Variants in TEDC1 observed in about 807,000 individuals in gnomAD.
TEDC1 encodes the protein tubulin epsilon and delta complex 1.
In TEDC1, 54 loss-of-function variants were observed where a neutral mutation model predicts 59.9. That is an observed-to-expected ratio of 0.90 (90% CI 0.72 to 1.13). TEDC1 has a LOEUF of 1.13. Ranked by LOEUF, TEDC1 falls within the 50% of genes most tolerant of loss-of-function variation. TEDC1 has a pLI of 0.00. For synonymous variants in TEDC1, 353 were observed against 298.1 expected (o/e 1.18, Z -1.90); for missense variants, 734 against 683.4 (o/e 1.07, Z -0.83).
intron 5 of TEDC1, 24 bp from the exon 6 acceptor site, chr14:105,495,856 G>A: frequency 6.6e-7 from 1 of 1,525,350 alleles, no homozygotes; most frequent in Middle Eastern, 1.7e-4. Context: ...GGTGGACTGG[G>A]GCCATGGCTG....
chr14:105,498,634 G>C lies in TEDC1; in HGVS notation c.1176G>C (p.Arg392=). The C allele has an allele frequency of 6.5e-7, 1 of 1,549,228 alleles. No individual in the cohort carries two copies. Residue 392 remains arginine, a synonymous_variant, in exon 9 of 9, where the codon CGG becomes CGC. Transcript: ENST00000392523. ...AWEAKAGGCG[R]GPEWSAARRA... ...CCACGCAGGCTGGAGGCTGTGGACGGGGGCCAGAGTGGAGTGCCGCGCGGC... is the reference window on the plus strand; with the variant it reads ...CCACGCAGGCTGGAGGCTGTGGACGCGGGCCAGAGTGGAGTGCCGCGCGGC...
chr14:105,496,509 A>C, intron 6 of TEDC1: 1 of 194,890 alleles, frequency 5.1e-6, no homozygotes, highest in Non-Finnish European at 1.1e-5. Context: ...CCTGCTCCAC[A>C]CTCTGGGTTC....
At chr14:105,497,758 C>T (rs144956742) in intron 7 of TEDC1, 40 bp from the exon 8 acceptor site, 173 of 1,492,492 alleles carry the variant, frequency 1.2e-4, no homozygotes, top group African/African-American at 1.1e-3. Context: ...CCCTCTGTCC[C>T]CTTGGCTTGG....
chr14:105,497,560 A>G (rs2084375208), intron 7 of TEDC1, 117 bp downstream of exon 7: 7 of 1,293,158 alleles, frequency 5.4e-6, no homozygotes, highest in Non-Finnish European at 1.1e-6. Flanking sequence ...GAGGCCACAG[A>G]CCTAGTGTAG....
Position 105,491,372 on chromosome 14 carries a change from C to T in TEDC1, c.-4C>T. 2.1e-6 allele frequency: 3 copies of T among 1,429,804 alleles called. No homozygotes were observed. Among genetic ancestry groups the T allele is most frequent in the Non-Finnish European group, 9.1e-7 (1 of 1,100,472 alleles). 88.6% of individuals were successfully genotyped at this position (1,429,804 alleles called of 1,614,324 possible). A position where few individuals can be genotyped will look rare whatever the true frequency, so the allele number is the denominator to read the frequency against. ...GCGATCCGAAAGAGGCTGGTGCTGG[C>T]TGCATGGGGAGGCGGCGGCAGCGGG... On this transcript the variant is annotated 5_prime_UTR_variant, in exon 1 of 9. Coordinates refer to ENST00000392523, the MANE Select transcript of TEDC1 (RefSeq NM_001367178.1).
chr14:105,494,021 C>CGG, intron 5 of TEDC1, 88 bp downstream of exon 5: 1 of 283,014 alleles, frequency 3.5e-6, no homozygotes, highest in South Asian at 3.2e-5. Context: ...GGCCTGGGGG[C>CGG]GGGGCAGCTC....
At position 105,498,802 on chromosome 14, in the gene TEDC1, A is replaced by T. The variant is rs1814373430; in HGVS notation, c.1344A>T (p.Ala448=). 1 of 1,593,340 alleles carries T rather than the reference A, an allele frequency of 6.3e-7. No individual in the cohort carries two copies. Among genetic ancestry groups the T allele is most frequent in the African/African-American group, 1.3e-5 (1 of 74,724 alleles). The change falls in exon 9 of 9, where the codon GCA becomes GCT. Residue 448 remains alanine (A), a synonymous_variant. Coordinates refer to ENST00000392523, the MANE Select transcript of TEDC1 (RefSeq NM_001367178.1). ...DGAAGDRDLR[A]AVVIRTLRSQ... ...CAGCAGGGGACCGGGACCTGCGGGC[A>T]GCTGTGGTGATCAGGACGCTGAGGA...
intron 7 of TEDC1, 129 bp downstream of exon 7, chr14:105,497,572 C>T: frequency 8.2e-7 from 1 of 1,225,838 alleles, no homozygotes; most frequent in Non-Finnish European, 1.1e-6. Context: ...CTAGTGTAGG[C>T]TCTTTCTAGG....
chr14:105,492,579 T>C lies in TEDC1; in HGVS notation c.430T>C (p.Cys144Arg). ...GGGCCTGACCCTTGCCCCTCTCCAG[T>C]GTGAGGCCCTGGCCAGCCCTGGCCC... ...PLGDEMTVCQ[C>R]EALASPGPPA... Residue 144 changes from cysteine to arginine, a missense_variant and splice_region_variant, in exon 4 of 9, where the codon TGT (cysteine) becomes CGT (arginine). Transcript: ENST00000392523. 6.5e-7 allele frequency: 1 copy of C among 1,537,858 alleles called. No individual in the cohort carries two copies. The highest frequency in any genetic ancestry group is 8.7e-7 in the Non-Finnish European group (1 of 1,146,632).
rs1011057618 is a variant in TEDC1 at position 105,498,750 on chromosome 14, A to G, written c.1292A>G (p.His431Arg). Residue 431 changes from histidine (H) to arginine (R), a missense_variant, in exon 9 of 9, where the codon CAC becomes CGC. His to Arg is a conservative substitution (Grantham distance 29, BLOSUM62 0). Coordinates refer to ENST00000392523, the MANE Select transcript of TEDC1 (RefSeq NM_001367178.1). ...DGGPAQPHGP[H>R]RLVRREDGAA... ...GGCCCGGCCCAGCCCCATGGGCCAC[A>G]CCGGCTGGTGAGACGAGAGGATGGG... The G allele has an allele frequency of 2.6e-6, 4 of 1,559,796 alleles. No homozygotes were observed. In the African/African-American group the frequency reaches 5.4e-5, roughly 21 times the overall value.
upstream of TEDC1, chr14:105,491,133 G>T: frequency 6.4e-7 from 1 of 1,551,094 alleles, no homozygotes; most frequent in Non-Finnish European, 8.7e-7. Context: ...TTGGGTACAG[G>T]TCTCGGGAGC....
intron 5 of TEDC1, chr14:105,495,568 G>A: frequency 3.2e-6 from 1 of 314,518 alleles, no homozygotes; most frequent in Non-Finnish European, 5.9e-6. Context: ...GCTGAAGCCG[G>A]GCTGGCGCCC....
chr14:105,495,857 G>A (rs1555440320), intron 5 of TEDC1, 23 bp from the exon 6 acceptor site: 3 of 1,527,912 alleles, frequency 2.0e-6, no homozygotes, highest in Non-Finnish European at 2.7e-6. Context: ...GTGGACTGGG[G>A]CCATGGCTGG....
chr14:105,491,213 G>A, upstream of TEDC1: 1 of 1,544,998 alleles, frequency 6.5e-7, no homozygotes, highest in Non-Finnish European at 8.7e-7. Context: ...CGGTGATTGG[G>A]CGCTGGACCC....
chr14:105,492,813 C>CCCGTGAG, intron 4 of TEDC1, 79 bp downstream of exon 4: 1 of 1,489,002 alleles, frequency 6.7e-7, no homozygotes, highest in Non-Finnish European at 8.9e-7. Flanking sequence ...TGCAGCCCGT[C>CCCGTGAG]CCGTGAGGCC....
upstream of TEDC1, chr14:105,490,890 T>C (rs2084190063): frequency 2.2e-6 from 2 of 890,228 alleles, no homozygotes; most frequent in African/African-American, 3.3e-5. Flanking sequence ...CGTGAGGCGC[T>C]GATGGGTGGG....
intron 3 of TEDC1, 91 bp downstream of exon 3, chr14:105,492,400 C>G: frequency 6.5e-7 from 1 of 1,546,948 alleles, no homozygotes; most frequent in Non-Finnish European, 8.7e-7. Context: ...CCTCTGTCTG[C>G]TTTGCTCCTC....
At chr14:105,496,122 C>T in intron 6 of TEDC1, 36 bp downstream of exon 6, 1 of 116,734 alleles carries the variant, frequency 8.6e-6, no homozygotes, top group Non-Finnish European at 1.4e-5. Flanking sequence ...GTGGAGACCG[C>T]AGGACTTGGG....
Position 105,493,901 on chromosome 14 carries a change from G to C in TEDC1, c.652G>C (p.Glu218Gln). 6.3e-7 allele frequency: 1 copy of C among 1,587,446 alleles called. No homozygotes were observed. The highest frequency in any genetic ancestry group is 8.5e-7 in the Non-Finnish European group (1 of 1,170,278). ...TAGCCATCTGTCTGTCACTGAAGCAGAGATGCTCAGGGACCCAGAGGGAGG... is the reference window on the plus strand; with the variant it reads ...TAGCCATCTGTCTGTCACTGAAGCACAGATGCTCAGGGACCCAGAGGGAGG... ...SLSHLSVTEAEMLRDPEGGQQ... is the reference protein window; with the variant it reads ...SLSHLSVTEAQMLRDPEGGQQ... Residue 218 changes from glutamate to glutamine, a missense_variant, in exon 5 of 9, where the codon GAG (glutamate) becomes CAG (glutamine). Physicochemically the swap from Glu to Gln is conservative, Grantham distance 29. Coordinates refer to ENST00000392523, the MANE Select transcript of TEDC1 (RefSeq NM_001367178.1).
Sources: gnomAD v4.1 joint callset for allele counts on GRCh38, gnomAD v4.1.1 for gene constraint, MANE v1.5 for transcripts, NCBI Gene and HGNC (gene_info 2026-07-23, HGNC 2026-07-21) for gene names.